Variants in METTL15 observed in about 807,000 individuals in gnomAD.
METTL15 encodes methyltransferase 15, mitochondrial 12S rRNA N4-cytidine, also known as 12S rRNA N(4)-cytidine methyltransferase METTL15.
In METTL15, 34 loss-of-function variants were observed where a neutral mutation model predicts 38.3. The observed-to-expected ratio is 0.89, with a 90% CI of 0.68 to 1.18. The LOEUF is 1.18. Among genes scored for constraint, METTL15 ranks in the 50% most tolerant of loss-of-function variants. METTL15 has a pLI of 0.00. For synonymous variants in METTL15, 162 were observed against 170.9 expected (o/e 0.95, Z 0.41); for missense variants, 438 against 498.4 (o/e 0.88, Z 1.15).
At chr11:28,415,186 G>A (rs1350971728) in intron 5 of METTL15, among the ~76,000 whole-genome samples, 1 of 152,126 alleles carries the variant, frequency 6.6e-6, no homozygotes, top group African/African-American at 2.4e-5. Context: ...AGGGAGAAAT[G>A]GTTTTCTGTA....
At chr11:28,378,830 T>G (rs1353187661) in intron 5 of METTL15, among the ~76,000 whole-genome samples, 2 of 148,814 alleles carry the variant, frequency 1.3e-5, no homozygotes, top group African/African-American at 2.4e-5. Context: ...TTAGTAGAAT[T>G]CAGGTGAAGC....
intron 6 of METTL15, among the ~76,000 whole-genome samples, chr11:28,428,737 G>A (rs1283576922): frequency 2.6e-5 from 4 of 152,048 alleles, no homozygotes; most frequent in Non-Finnish European, 5.9e-5. Context: ...CATAATCCTC[G>A]ACCTAGTCCA....
chr11:28,135,751 A>G (rs1849493086), intron 3 of METTL15, among the ~76,000 whole-genome samples: 1 of 152,238 alleles, frequency 6.6e-6, no homozygotes, highest in Non-Finnish European at 1.5e-5. Context: ...GCGGGGAGAA[A>G]TAAATATCCT....
At chr11:28,404,645 A>G (rs1299030308) in intron 5 of METTL15, among the ~76,000 whole-genome samples, 1 of 152,068 alleles carries the variant, frequency 6.6e-6, no homozygotes, top group Non-Finnish European at 1.5e-5. Context: ...GGACACAAAT[A>G]TTCAGATTAT....
intron 6 of METTL15, among the ~76,000 whole-genome samples, chr11:28,471,683 C>A (rs1454914049): frequency 1.3e-5 from 2 of 152,004 alleles, no homozygotes; most frequent in Admixed American, 6.6e-5. Context: ...AGATATAATG[C>A]AAGCTTCTCT....
At chr11:28,150,325 T>C (rs1850036323) in intron 3 of METTL15, among the ~76,000 whole-genome samples, 1 of 151,964 alleles carries the variant, frequency 6.6e-6, no homozygotes, top group Admixed American at 6.6e-5. Context: ...TTCTATATTC[T>C]TTCTTCTTGT....
intron 5 of METTL15, among the ~76,000 whole-genome samples, chr11:28,377,205 C>T (rs1850325176): frequency 2.0e-5 from 3 of 148,374 alleles, no homozygotes; most frequent in Admixed American, 6.9e-5. Context: ...GAACGTTGGC[C>T]TGCCTTGCTA....
At chr11:28,292,700 C>A (rs1022176728) in intron 5 of METTL15, among the ~76,000 whole-genome samples, 2 of 152,126 alleles carry the variant, frequency 1.3e-5, no homozygotes, top group African/African-American at 4.8e-5. Flanking sequence ...TCCTATTTCT[C>A]CACATCCTCT....
At chr11:28,487,864 G>C (rs1180251003) in intron 6 of METTL15, among the ~76,000 whole-genome samples, 2 of 152,134 alleles carry the variant, frequency 1.3e-5, no homozygotes, top group Non-Finnish European at 2.9e-5. Flanking sequence ...TAGTTTGGAA[G>C]TAAGAAGGAG....
intron 5 of METTL15, among the ~76,000 whole-genome samples, chr11:28,363,365 G>T (rs1850157219): frequency 6.6e-6 from 1 of 151,966 alleles, no homozygotes; most frequent in African/African-American, 2.4e-5. Context: ...AGTAGAGACA[G>T]CATTTCACCA....
intron 6 of METTL15, among the ~76,000 whole-genome samples, chr11:28,504,994 C>T (rs879802092): frequency 2.6e-5 from 4 of 152,214 alleles, no homozygotes; most frequent in South Asian, 2.1e-4. Flanking sequence ...GTTTGACATG[C>T]GTTAATTACA....
At chr11:28,249,729 T>G (rs905285377) in intron 4 of METTL15, among the ~76,000 whole-genome samples, 1 of 152,022 alleles carries the variant, frequency 6.6e-6, no homozygotes, top group African/African-American at 2.4e-5. Flanking sequence ...AAGGAGATTT[T>G]TTTTTTTACT....
At chr11:28,318,161 A>G in intron 6 of METTL15, among the ~76,000 whole-genome samples, 1 of 152,280 alleles carries the variant, frequency 6.6e-6, no homozygotes, top group Middle Eastern at 3.4e-3. Flanking sequence ...CCACATTCCA[A>G]ATATTGTTTA....
intron 5 of METTL15, among the ~76,000 whole-genome samples, chr11:28,369,512 C>T (rs1281100658): frequency 2.0e-5 from 3 of 151,972 alleles, no homozygotes; most frequent in Non-Finnish European, 1.5e-5. Flanking sequence ...ATCAAACCGT[C>T]CAAAGGCAAA....
intron 3 of METTL15, among the ~76,000 whole-genome samples, chr11:28,133,515 T>C (rs150443510): frequency 6.6e-5 from 10 of 152,298 alleles, no homozygotes; most frequent in African/African-American, 2.2e-4. Flanking sequence ...CCCTGCTGCA[T>C]TGAATTAGGT....
intron 5 of METTL15, among the ~76,000 whole-genome samples, chr11:28,398,566 G>T (rs1363147819): frequency 6.6e-6 from 1 of 152,100 alleles, no homozygotes; most frequent in East Asian, 1.9e-4. Context: ...GTAGATTCTG[G>T]ATATTAGCCC....
intron 4 of METTL15, among the ~76,000 whole-genome samples, chr11:28,226,317 A>G (rs560518364): frequency 1.3e-5 from 2 of 152,036 alleles, no homozygotes; most frequent in East Asian, 1.9e-4. Flanking sequence ...CTTGGGGACT[A>G]TTTTTAGTGA....
intron 4 of METTL15, among the ~76,000 whole-genome samples, chr11:28,260,749 A>T (rs780496546): frequency 6.6e-5 from 10 of 152,176 alleles, no homozygotes; most frequent in Admixed American, 2.0e-4. Flanking sequence ...GGGCTCTAGG[A>T]TTATGAGAAC....
intron 3 of METTL15, among the ~76,000 whole-genome samples, chr11:28,207,832 T>G (rs1852426244): frequency 6.6e-6 from 1 of 152,164 alleles, no homozygotes; most frequent in African/African-American, 2.4e-5. Flanking sequence ...CCTGGTTTAG[T>G]CTTGGGAGGG....
Sources: gnomAD v4.1 joint callset for allele counts (sites outside exome capture counted in the v4.1 genomes callset) on GRCh38, gnomAD v4.1.1 for gene constraint, MANE v1.5 for transcripts, NCBI Gene and HGNC (gene_info 2026-07-23, HGNC 2026-07-21) for gene names.